Variants in CDT1 observed in about 807,000 individuals in gnomAD.
CDT1 encodes DNA replication factor Cdt1.
A neutral mutation model predicts 49.3 loss-of-function variants in CDT1; 66 were observed. That is an observed-to-expected ratio of 1.34 (90% confidence interval 1.10 to 1.64). The LOEUF (loss-of-function observed/expected upper bound fraction) is 1.64. CDT1 is among the 40% of genes most tolerant of loss of function. The pLI is 0.00. For missense variants in CDT1, 958 were observed against 807.7 expected (o/e 1.19, Z -2.26); for synonymous variants, 424 against 347.4 (o/e 1.22, Z -2.45).
chr16:88,804,785 A>G lies in CDT1; in HGVS notation c.375A>G (p.Ser125=), dbSNP rs1908785396. Residue 125 remains serine (S), a synonymous_variant, in exon 3 of 10, where the codon TCA becomes TCG. Coordinates refer to ENST00000301019, the MANE Select transcript of CDT1 (RefSeq NM_030928.4). ...QDQDTISELA[S]CLQRARELGA... is the part of the protein sequence containing the mutation. The stretch of plus-strand genomic sequence containing the variant: ...AGGACACCATCTCTGAGCTTGCGTC[A>G]TGCCTGCAACGGGCCCGGGAGCTGG... 6.2e-7 allele frequency: 1 copy of G among 1,612,826 alleles called. No homozygotes were observed. The highest frequency in any genetic ancestry group is 8.5e-7 in the Non-Finnish European group (1 of 1,179,870).
At position 88,804,671 on chromosome 16, in the gene CDT1, A is replaced by AG; in HGVS notation, c.351+8dup. The AG allele has an allele frequency of 6.2e-7, 1 of 1,612,364 alleles. No individual in the cohort carries two copies. Among genetic ancestry groups the AG allele is most frequent in the Non-Finnish European group, 8.5e-7 (1 of 1,179,750 alleles). On this transcript the variant is annotated splice_donor_region_variant and intron_variant, in intron 2 of 9. Coordinates refer to ENST00000301019, the MANE Select transcript of CDT1 (RefSeq NM_030928.4). ...CCTGACATCCGCGCAGGACCAGGTG[A>AG]GGGGCGGGGCCTGGGGCAGATGCGG...
chr16:88,804,396 G>A, intron 1 of CDT1, 149 bp from the exon 2 acceptor site: 1 of 1,079,118 alleles, frequency 9.3e-7, no homozygotes, highest in Non-Finnish European at 1.4e-6. Context: ...CCCGGCCTTA[G>A]CACAGACCAC....
At chr16:88,807,698 G>GTC (rs1908919907) in intron 9 of CDT1, among the ~76,000 whole-genome samples, 1 of 152,200 alleles carries the variant, frequency 6.6e-6, no homozygotes, top group Non-Finnish European at 1.5e-5. Flanking sequence ...GCAGCCTCTG[G>GTC]AGGCAGCTTC....
chr16:88,806,679 G>A lies in CDT1; in HGVS notation c.1122+5G>A. On this transcript the variant is annotated splice_donor_5th_base_variant and intron_variant, in intron 7 of 9. Transcript: ENST00000301019. ...CGCAACCTGATTTCACCCAGGGTGAGACTGCGAGGCTTGGGCAGCCCATTT... is the reference window on the plus strand; with the variant it reads ...CGCAACCTGATTTCACCCAGGGTGAAACTGCGAGGCTTGGGCAGCCCATTT... The A allele has an allele frequency of 6.3e-7, 1 of 1,598,738 alleles. No individual in the cohort carries two copies. The highest frequency in any genetic ancestry group is 1.1e-5 in the South Asian group (1 of 88,970).
chr16:88,805,387 G>T, intron 3 of CDT1, 53 bp from the exon 4 acceptor site: 3 of 1,602,496 alleles, frequency 1.9e-6, no homozygotes, highest in Non-Finnish European at 2.6e-6. Context: ...CTGCTGTGGC[G>T]TTGGAGGGGT....
At position 88,805,708 on chromosome 16, in the gene CDT1, C is replaced by A; in HGVS notation, c.687-16C>A. The stretch of plus-strand genomic sequence containing the variant: ...GGCCCGGGCCTGCCTCCTGAGCCGC[C>A]CCCATCCTCCCATAGGCGTTTTGAG... On this transcript the variant is annotated splice_polypyrimidine_tract_variant and intron_variant, in intron 4 of 9. Transcript: ENST00000301019. 6.2e-7 allele frequency: 1 copy of A among 1,612,834 alleles called. No homozygotes were observed. Among genetic ancestry groups the A allele is most frequent in the East Asian group, 2.2e-5 (1 of 44,870 alleles).
Position 88,804,612 on chromosome 16 carries a change from A to G in CDT1, c.296A>G (p.Lys99Arg). Reference sequence around the variant, plus strand: ...TGCCCTTCTCCGGGCCAGAAGATAAAGAAATCCACCCCGGCAGCAGGTCAG... The same window carrying G: ...TGCCCTTCTCCGGGCCAGAAGATAAGGAAATCCACCCCGGCAGCAGGTCAG... The part of the protein sequence containing the change: ...PACPSPGQKI[K>R]KSTPAAGQPP... Residue 99 changes from lysine (K) to arginine (R), a missense_variant, in exon 2 of 10, where the codon AAG becomes AGG. By Grantham distance (26) the Lys-to-Arg change is conservative (BLOSUM62 2). Transcript: ENST00000301019. 6.2e-7 allele frequency: 1 copy of G among 1,612,922 alleles called. No individual in the cohort carries two copies. Among genetic ancestry groups the G allele is most frequent in the Non-Finnish European group, 8.5e-7 (1 of 1,179,870 alleles).
Position 88,806,451 on chromosome 16 carries a change from G to A in CDT1, c.934-35G>A, listed in dbSNP as rs200836772. ...CATGCAGTCTGCCCTTGTCTCAGAT[G>A]TGCCCAGGGTCACCCATCTACTCCT... On this transcript the variant is annotated intron_variant, in intron 6 of 9. Transcript: ENST00000301019. 19 of 1,603,898 alleles carry A rather than the reference G, an allele frequency of 1.2e-5. No individual in the cohort carries two copies. The East Asian group carries it at 4.3e-4, about 36-fold the overall frequency.
Position 88,807,391 on chromosome 16 carries a change from G to T in CDT1, c.1386G>T (p.Arg462=). 6.2e-7 allele frequency: 1 copy of T among 1,612,812 alleles called. No homozygotes were observed. The highest frequency in any genetic ancestry group is 2.2e-5 in the East Asian group (1 of 44,888). ...ERLPELARVL[R]SVFVSERKPA... Reference sequence around the variant, plus strand: ...TGCCTGAGCTGGCCCGCGTGCTGCGGAGCGTCTTTGTGTCCGAACGCAAGC... The same window carrying T: ...TGCCTGAGCTGGCCCGCGTGCTGCGTAGCGTCTTTGTGTCCGAACGCAAGC... The change falls in exon 9 of 10, where the codon CGG becomes CGT. Residue 462 remains arginine, a synonymous_variant. Coordinates refer to ENST00000301019, the MANE Select transcript of CDT1 (RefSeq NM_030928.4).
At position 88,806,527 on chromosome 16, in the gene CDT1, G is replaced by T; in HGVS notation, c.975G>T (p.Glu325Asp). 1 of 1,610,956 alleles carries T rather than the reference G, an allele frequency of 6.2e-7. No individual in the cohort carries two copies. Among genetic ancestry groups the T allele is most frequent in the Non-Finnish European group, 8.5e-7 (1 of 1,179,236 alleles). ...ASLSPAMVVP[E>D]DQLTRWHPRF... ...TGAGCCCCGCCATGGTGGTGCCGGAGGACCAGCTGACCCGCTGGCACCCGC... is the reference window on the plus strand; with the variant it reads ...TGAGCCCCGCCATGGTGGTGCCGGATGACCAGCTGACCCGCTGGCACCCGC... Residue 325 changes from glutamate to aspartate, a missense_variant, in exon 7 of 10, where the codon GAG becomes GAT. Coordinates refer to ENST00000301019, the MANE Select transcript of CDT1 (RefSeq NM_030928.4).
rs1908747927 is a variant in CDT1 at position 88,803,959 on chromosome 16, C to G, written c.128C>G (p.Ala43Gly). The change falls in exon 1 of 10, where the codon GCT becomes GGT. Residue 43 changes from alanine to glycine, a missense_variant. Transcript: ENST00000301019. ...CCCGCACTCCGCGCCCCGGCCTCCG[C>G]TACCAGTGGCAGCCGCAAGCGCGCC... ...ARPALRAPAS[A>G]TSGSRKRARP... is the part of the protein sequence containing the mutation. The G allele has an allele frequency of 7.0e-7, 1 of 1,426,192 alleles. No homozygotes were observed. The highest frequency in any genetic ancestry group is 3.1e-5 in the East Asian group (1 of 31,872). 88.3% of individuals were successfully genotyped at this position (1,426,192 alleles called of 1,614,324 possible). A position where few individuals can be genotyped will look rare whatever the true frequency, so the allele number is the denominator to read the frequency against.
At position 88,804,781 on chromosome 16, in the gene CDT1, C is replaced by A. The variant is rs759307080; in HGVS notation, c.371C>A (p.Ala124Glu). 1.2e-6 allele frequency: 2 copies of A among 1,612,868 alleles called. No individual in the cohort carries two copies. Among genetic ancestry groups the A allele is most frequent in the Admixed American group, 1.7e-5 (1 of 60,026 alleles). Residue 124 changes from alanine (A) to glutamate (E), a missense_variant, in exon 3 of 10, where the codon GCG becomes GAG. Transcript: ENST00000301019. ...AQDQDTISEL[A>E]SCLQRARELG... ...CTGAAGGACACCATCTCTGAGCTTG[C>A]GTCATGCCTGCAACGGGCCCGGGAG... is the stretch of plus-strand genomic sequence containing the variant.
chr16:88,806,148 G>C, intron 6 of CDT1, 27 bp downstream of exon 6: 1 of 1,540,444 alleles, frequency 6.5e-7, no homozygotes, highest in South Asian at 1.2e-5. Flanking sequence ...CCCGCTGTGT[G>C]AAGATGGTGG....
In CDT1 at chr16:88,804,652, A is replaced by G. The variant is rs764091950; in HGVS notation, c.336A>G (p.Thr112=). The G allele has an allele frequency of 6.2e-7, 1 of 1,612,596 alleles. No homozygotes were observed. Among genetic ancestry groups the G allele is most frequent in the Admixed American group, 1.7e-5 (1 of 59,996 alleles). Residue 112 remains threonine, a synonymous_variant, in exon 2 of 10, where the codon ACA becomes ACG. Transcript: ENST00000301019. ...CAGCAGGTCAGCCGCCCCACCTGACATCCGCGCAGGACCAGGTGAGGGGCG... is the reference window on the plus strand; with the variant it reads ...CAGCAGGTCAGCCGCCCCACCTGACGTCCGCGCAGGACCAGGTGAGGGGCG... ...TPAAGQPPHL[T]SAQDQDTISE... is the part of the protein sequence containing the mutation.
At chr16:88,804,715 G>A (rs528411216) in intron 2 of CDT1, 47 bp from the exon 3 acceptor site, 3 of 1,609,396 alleles carry the variant, frequency 1.9e-6, no homozygotes, top group East Asian at 2.2e-5. Flanking sequence ...AGTGGTGCCG[G>A]CCTGCCTGCC....
At position 88,804,835 on chromosome 16, in the gene CDT1, C is replaced by T; in HGVS notation, c.425C>T (p.Ala142Val). ...GGGGCAAGAGTCCGGGCGCTGAAGG[C>T]CAGTGCCCAGGATGCTGGGGAGTCC... ...ELGARVRALK[A>V]SAQDAGESCT... The change falls in exon 3 of 10, where the codon GCC becomes GTC. Residue 142 changes from alanine to valine, a missense_variant. Physicochemically the swap from Ala to Val is moderately conservative, Grantham distance 64. Coordinates refer to ENST00000301019, the MANE Select transcript of CDT1 (RefSeq NM_030928.4). The T allele has an allele frequency of 1.2e-6, 2 of 1,611,954 alleles. No homozygotes were observed. The highest frequency in any genetic ancestry group is 1.1e-5 in the South Asian group (1 of 90,974).
In CDT1 at chr16:88,804,757, T is replaced by C. The variant is rs1255547446; in HGVS notation, c.352-5T>C. ...ACGGCACCGTGTCCCCTGATCCCCC[T>C]GAAGGACACCATCTCTGAGCTTGCG... is the stretch of plus-strand genomic sequence containing the variant. On this transcript the variant is annotated splice_region_variant and splice_polypyrimidine_tract_variant and intron_variant, in intron 2 of 9. Transcript: ENST00000301019. The C allele has an allele frequency of 6.2e-7, 1 of 1,612,780 alleles. No homozygotes were observed. The highest frequency in any genetic ancestry group is 2.2e-5 in the East Asian group (1 of 44,866).
At position 88,806,674 on chromosome 16, in the gene CDT1, G is replaced by T. The variant is rs761703584; in HGVS notation, c.1122G>T (p.Arg374Ser). 8.7e-6 allele frequency: 14 copies of T among 1,604,276 alleles called. No individual in the cohort carries two copies. Among genetic ancestry groups the T allele is most frequent in the Non-Finnish European group, 1.2e-5 (14 of 1,176,714 alleles). The stretch of plus-strand genomic sequence containing the variant: ...GGGCCCGCAACCTGATTTCACCCAG[G>T]GTGAGACTGCGAGGCTTGGGCAGCC... ...LARARNLISP[R>S]MEKALSQLAL... Residue 374 changes from arginine to serine, a missense_variant and splice_region_variant, in exon 7 of 10, where the codon AGG (arginine) becomes AGT (serine). Coordinates refer to ENST00000301019, the MANE Select transcript of CDT1 (RefSeq NM_030928.4).
rs1779187348 is a variant in CDT1, at chr16:88,807,412, C to T, written c.1407C>T (p.Arg469=). The part of the protein sequence containing the change: ...RVLRSVFVSE[R]KPALSMEVAC... ...TGCGGAGCGTCTTTGTGTCCGAACGCAAGCCTGCGCTCAGCATGGAGGTGG... is the reference window on the plus strand; with the variant it reads ...TGCGGAGCGTCTTTGTGTCCGAACGTAAGCCTGCGCTCAGCATGGAGGTGG... Residue 469 remains arginine (R), a synonymous_variant, in exon 9 of 10, where the codon CGC becomes CGT. Transcript: ENST00000301019. 2 of 1,612,954 alleles carry T rather than the reference C, an allele frequency of 1.2e-6. No homozygotes were observed. Among genetic ancestry groups the T allele is most frequent in the Non-Finnish European group, 1.7e-6 (2 of 1,179,992 alleles).
Sources: gnomAD v4.1 joint callset for allele counts (sites outside exome capture counted in the v4.1 genomes callset) on GRCh38, gnomAD v4.1.1 for gene constraint, MANE v1.5 for transcripts, NCBI Gene and HGNC (gene_info 2026-07-23, HGNC 2026-07-21) for gene names.